Variants in CNBD1 observed in about 807,000 individuals in gnomAD.
CNBD1 encodes the protein cyclic nucleotide binding domain containing 1.
In CNBD1, 71 loss-of-function variants were observed where a neutral mutation model predicts 54.4. The ratio of observed to expected loss-of-function variants is 1.30; its 90% CI spans 1.08 to 1.59. The LOEUF (loss-of-function observed/expected upper bound fraction) is 1.59. CNBD1 is among the 40% of genes most tolerant of loss of function. The probability of loss-of-function intolerance (pLI) is 0.00; values close to 1 mark genes in which losing one functional copy is unlikely to be tolerated. For synonymous variants in CNBD1, 182 were observed against 170.7 expected (o/e 1.07, Z -0.51); for missense variants, 659 against 518.0 (o/e 1.27, Z -2.64).
intron 4 of CNBD1, among the ~76,000 whole-genome samples, chr8:86,993,524 A>T (rs75544385): frequency 6.6e-6 from 1 of 152,190 alleles, no homozygotes; most frequent in African/African-American, 2.4e-5. Flanking sequence ...AGGTAAGGGG[A>T]CATTGTAGCT....
chr8:87,229,398 T>A (rs1216969059), intron 5 of CNBD1, among the ~76,000 whole-genome samples: 3 of 152,194 alleles, frequency 2.0e-5, no homozygotes, highest in Non-Finnish European at 2.9e-5. Context: ...TTCAAATGCT[T>A]ATATTTAGCT....
At chr8:87,390,984 C>T (rs554620394) in intron 2 of CNBD1, among the ~76,000 whole-genome samples, 2 of 151,528 alleles carry the variant, frequency 1.3e-5, no homozygotes, top group Admixed American at 1.3e-4. Context: ...AGCAAACTAT[C>T]ACAAGGACAA....
intron 4 of CNBD1, among the ~76,000 whole-genome samples, chr8:86,976,482 G>T (rs1406352613): frequency 6.6e-6 from 1 of 151,792 alleles, no homozygotes; most frequent in Non-Finnish European, 1.5e-5. Flanking sequence ...TTATTAAAGA[G>T]ACCTTCCTTT....
rs184834232 is a variant in CNBD1, at chr8:87,402,148, G to A, written c.214-26398G>A. On this transcript the variant is annotated intron_variant, in intron 2 of 7. Transcript: ENST00000521593. ...GCAAGAGAGCAAGTGTAGGGGAACA[G>A]CCTTTTATAAAACCATCAAATCTCA... Among the ~76,000 whole-genome samples the A allele has an allele frequency of 5.4e-3, 816 of 152,078 alleles. 6 individuals carry two copies. Among genetic ancestry groups the A allele is most frequent in the African/African-American group, 0.019 (771 of 41,526 alleles).
At chr8:87,374,838 G>T (rs1250316465) in intron 10 of CNBD1, among the ~76,000 whole-genome samples, 1 of 151,776 alleles carries the variant, frequency 6.6e-6, no homozygotes, top group Non-Finnish European at 1.5e-5. Context: ...AGAAACATCT[G>T]TATTGGACTT....
At chr8:87,175,846 G>C (rs1012800055) in intron 4 of CNBD1, among the ~76,000 whole-genome samples, 4 of 152,198 alleles carry the variant, frequency 2.6e-5, no homozygotes, top group African/African-American at 9.7e-5. Flanking sequence ...TAGAGTCCTA[G>C]AGCATTTCAG....
intron 3 of CNBD1, among the ~76,000 whole-genome samples, chr8:86,932,449 G>A (rs1266188551): frequency 6.6e-6 from 1 of 152,138 alleles, no homozygotes; most frequent in Non-Finnish European, 1.5e-5. Context: ...CTAACAGGAA[G>A]GGGAGCTGTA....
At chr8:87,190,889 A>G (rs556127898) in intron 4 of CNBD1, among the ~76,000 whole-genome samples, 2 of 139,038 alleles carry the variant, frequency 1.4e-5, no homozygotes, top group African/African-American at 6.1e-5. Flanking sequence ...ACATGTACGT[A>G]TATCTATTTA....
At chr8:86,893,140 A>G (rs928076119) in intron 2 of CNBD1, among the ~76,000 whole-genome samples, 2 of 152,284 alleles carry the variant, frequency 1.3e-5, no homozygotes, top group South Asian at 4.1e-4. Context: ...TTGGGATGGC[A>G]GAAAATGTGG....
chr8:87,186,981 G>C (rs945940409), intron 4 of CNBD1, among the ~76,000 whole-genome samples: 9 of 151,964 alleles, frequency 5.9e-5, no homozygotes, highest in African/African-American at 1.7e-4. Flanking sequence ...TCATTGATTT[G>C]ATAAATCAAT....
intron 8 of CNBD1, among the ~76,000 whole-genome samples, chr8:87,297,341 G>A (rs750596515): frequency 1.1e-4 from 16 of 151,810 alleles, no homozygotes; most frequent in African/African-American, 2.2e-4. Flanking sequence ...CACTTACAGC[G>A]TATCTCTATT....
At chr8:87,341,353 T>C (rs889373105) in intron 8 of CNBD1, among the ~76,000 whole-genome samples, 1 of 152,146 alleles carries the variant, frequency 6.6e-6, no homozygotes, top group Non-Finnish European at 1.5e-5. Flanking sequence ...TCCTGTCTTC[T>C]TTAAAAGTGT....
intron 6 of CNBD1, among the ~76,000 whole-genome samples, chr8:87,278,268 A>C (rs1449428985): frequency 6.6e-6 from 1 of 151,670 alleles, no homozygotes. Context: ...AACAATATTT[A>C]GTCCTGCCTG....
At chr8:87,059,192 T>A (rs1810491500) in intron 4 of CNBD1, among the ~76,000 whole-genome samples, 1 of 152,220 alleles carries the variant, frequency 6.6e-6, no homozygotes, top group Non-Finnish European at 1.5e-5. Context: ...GTTAGCAGTT[T>A]GGGCAAAGTC....
intron 2 of CNBD1, among the ~76,000 whole-genome samples, chr8:87,395,929 T>A (rs1379387511): frequency 6.6e-6 from 1 of 151,938 alleles, no homozygotes; most frequent in Non-Finnish European, 1.5e-5. Flanking sequence ...CTCTCCTTAC[T>A]GCCGCCATGT....
At chr8:86,882,123 G>T (rs920392215) in intron 1 of CNBD1, among the ~76,000 whole-genome samples, 2 of 152,248 alleles carry the variant, frequency 1.3e-5, no homozygotes. Flanking sequence ...CATGGGCAAA[G>T]ATTTCATGAT....
At chr8:86,925,290 GC>G in intron 3 of CNBD1, among the ~76,000 whole-genome samples, 1 of 152,254 alleles carries the variant, frequency 6.6e-6, no homozygotes, top group South Asian at 2.1e-4. Flanking sequence ...ATTAAGCTAA[GC>G]TTAACAGATG....
chr8:87,250,662 C>A (rs1020613875), intron 6 of CNBD1, among the ~76,000 whole-genome samples: 6 of 152,132 alleles, frequency 3.9e-5, no homozygotes, highest in Non-Finnish European at 8.8e-5. Flanking sequence ...GAAATCCTAT[C>A]ATTTACAACA....
At chr8:87,087,454 A>T (rs1388784973) in intron 4 of CNBD1, among the ~76,000 whole-genome samples, 6 of 149,874 alleles carry the variant, frequency 4.0e-5, no homozygotes, top group African/African-American at 1.5e-4. Context: ...TCCTCTATTG[A>T]AGTACATTCT....
Sources: allele counts gnomAD v4.1 joint callset (sites outside exome capture counted in the v4.1 genomes callset), GRCh38; gene constraint gnomAD v4.1.1; transcripts MANE v1.5; gene names NCBI Gene and HGNC (gene_info 2026-07-23, HGNC 2026-07-21).